The following ARHGEF12 variants were observed in gnomAD, a reference collection of about 807,000 sequenced individuals.
ARHGEF12 encodes Rho guanine nucleotide exchange factor 12, also known as KMT2A/ARHGEF12 fusion protein.
A neutral mutation model predicts 211.2 loss-of-function variants in ARHGEF12; 66 were observed. The observed-to-expected ratio is 0.31, with a 90% CI of 0.26 to 0.38. The LOEUF is 0.38. Among genes scored for constraint, ARHGEF12 ranks in the 10% least tolerant of loss-of-function variants. The pLI is 1.00. For missense variants in ARHGEF12, 1,429 were observed against 1,869.5 expected, an observed-to-expected ratio of 0.76 and a Z score of 4.34; for synonymous variants, 592 against 638.4, an observed-to-expected ratio of 0.93 and a Z score of 1.09.
chr11:120,375,047 A>G (rs926392063), intron 1 of ARHGEF12, among the ~76,000 whole-genome samples: 1 of 152,198 alleles, frequency 6.6e-6, no homozygotes, highest in Non-Finnish European at 1.5e-5. Context: ...AAGAATGGGT[A>G]GATGAATGGT....
At chr11:120,363,333 A>G (rs1283531919) in intron 1 of ARHGEF12, among the ~76,000 whole-genome samples, 1 of 152,228 alleles carries the variant, frequency 6.6e-6, no homozygotes, top group Non-Finnish European at 1.5e-5. Flanking sequence ...GAAACATGAA[A>G]TGCCTTCTTT....
intron 4 of ARHGEF12, chr11:120,410,292 GGT>G (rs1491356775): frequency 6.3e-5 from 6 of 95,666 alleles, no homozygotes; most frequent in East Asian, 4.5e-4. Context: ...TTTGTTTTGG[GGT>G]TTTTTTTTTT....
At chr11:120,484,791 G>T (rs1329687578) in intron 40 of ARHGEF12, among the ~76,000 whole-genome samples, 1 of 152,216 alleles carries the variant, frequency 6.6e-6, no homozygotes, top group East Asian at 1.9e-4. Context: ...GTAAATCACA[G>T]ATTCGGTGTG....
intron 22 of ARHGEF12, among the ~76,000 whole-genome samples, chr11:120,455,108 T>C (rs1946325263): frequency 6.6e-6 from 1 of 151,842 alleles, no homozygotes; most frequent in Non-Finnish European, 1.5e-5. Context: ...GGATAGAAAT[T>C]TGAGAGAAAA....
intron 21 of ARHGEF12, 170 bp downstream of exon 21, chr11:120,449,384 A>C: frequency 1.7e-6 from 1 of 577,432 alleles, no homozygotes. Flanking sequence ...AGTACCCCCT[A>C]TGTTGCTACA....
intron 12 of ARHGEF12, 22 bp downstream of exon 12, chr11:120,437,404 T>G (rs1318915922): frequency 6.3e-7 from 1 of 1,584,158 alleles, no homozygotes; most frequent in African/African-American, 1.3e-5. Context: ...ATCCATGCAA[T>G]GATAGTGCTG....
intron 34 of ARHGEF12, 133 bp from the exon 35 acceptor site, chr11:120,477,086 T>G: frequency 2.4e-6 from 1 of 422,662 alleles, no homozygotes; most frequent in Non-Finnish European, 4.4e-6. Context: ...TGGGTTTTGT[T>G]GTTGTTGTTG....
intron 1 of ARHGEF12, among the ~76,000 whole-genome samples, chr11:120,345,268 A>G (rs552810061): frequency 6.6e-6 from 1 of 152,358 alleles, no homozygotes; most frequent in African/African-American, 2.4e-5. Context: ...AACTGTAACT[A>G]GAGCAAACCT....
chr11:120,372,825 A>G (rs2135416680), intron 1 of ARHGEF12, among the ~76,000 whole-genome samples: 1 of 152,238 alleles, frequency 6.6e-6, no homozygotes, highest in East Asian at 1.9e-4. Context: ...ATCTCTTATC[A>G]TGTCTACTTC....
chr11:120,357,633 G>A (rs1172375138), intron 1 of ARHGEF12, among the ~76,000 whole-genome samples: 1 of 152,286 alleles, frequency 6.6e-6, no homozygotes, highest in East Asian at 1.9e-4. Flanking sequence ...GCAGTGGCAT[G>A]ATCTTGCCTC....
rs571668166 is a variant in ARHGEF12 at position 120,451,865 on chromosome 11, A to C, written c.2056+141A>C. On this transcript the variant is annotated intron_variant, in intron 22 of 40. Transcript: ENST00000397843. ...GACATTTTAATATGCTACAACCAAT[A>C]AGAAATCTATGCCGAATGATAACTT... 9.0e-6 allele frequency: 7 copies of C among 776,548 alleles called. No individual in the cohort carries two copies. In the East Asian group the frequency reaches 1.9e-4, roughly 21 times the overall value. The allele number at this position is 776,548 out of a possible 1,614,324, so 48.1% of individuals were successfully genotyped here.
chr11:120,477,196 G>A lies in ARHGEF12; in HGVS notation c.3366-23G>A, dbSNP rs201573576. 107 of 1,608,032 alleles carry A rather than the reference G, an allele frequency of 6.7e-5. No homozygotes were observed. In the East Asian group the frequency reaches 2.3e-3, roughly 35 times the overall value. On this transcript the variant is annotated intron_variant, in intron 34 of 40. Transcript: ENST00000397843. ...TTTCTTTTTTCTTTTTTGTATTTTGGATTTCTTTCCAACTTTCTGAAGCTG... is the reference window on the plus strand; with the variant it reads ...TTTCTTTTTTCTTTTTTGTATTTTGAATTTCTTTCCAACTTTCTGAAGCTG...
Position 120,344,265 on chromosome 11 carries a change from C to CAA in ARHGEF12, c.32+7018_32+7019dup, listed in dbSNP as rs71473103. ...TGGATGACAGAGCAAGACTCCGTCT[C>CAA]AAAAAAAAAAAAAAAAAAAAAAAAA... On this transcript the variant is annotated intron_variant, in intron 1 of 40. Transcript: ENST00000397843. 2.7e-3 allele frequency among the ~76,000 whole-genome samples: 143 copies of CAA among 53,018 alleles called. 15 individuals carry two copies. Among genetic ancestry groups the CAA allele is most frequent in the African/African-American group, 4.6e-3 (64 of 13,864 alleles). 34.8% of individuals were successfully genotyped at this position (53,018 alleles called of 152,430 possible).
chr11:120,428,287 A>G (rs377572066), intron 8 of ARHGEF12, 40 bp downstream of exon 8: 63 of 1,468,060 alleles, frequency 4.3e-5, no homozygotes, highest in Non-Finnish European at 5.5e-5. Context: ...GCTCAGTCTT[A>G]TAAGGATGTG....
chr11:120,476,647 A>G lies in ARHGEF12; in HGVS notation c.3278-14A>G. 6.2e-7 allele frequency: 1 copy of G among 1,607,464 alleles called. No homozygotes were observed. Among genetic ancestry groups the G allele is most frequent in the African/African-American group, 1.3e-5 (1 of 74,842 alleles). On this transcript the variant is annotated splice_polypyrimidine_tract_variant and intron_variant, in intron 33 of 40. Coordinates refer to ENST00000397843, the MANE Select transcript of ARHGEF12 (RefSeq NM_015313.3). ...GGTCATAGTATTAGAGTAATCTTGT[A>G]TTGTTTTTTCCAGATAACAAAGCTT...
chr11:120,371,069 C>T (rs1284804372), intron 1 of ARHGEF12, among the ~76,000 whole-genome samples: 1 of 152,172 alleles, frequency 6.6e-6, no homozygotes, highest in African/African-American at 2.4e-5. Flanking sequence ...CTGTCTACCT[C>T]ACAGAATCAA....
intron 1 of ARHGEF12, among the ~76,000 whole-genome samples, chr11:120,356,220 T>A (rs1358042429): frequency 2.0e-5 from 3 of 152,234 alleles, no homozygotes; most frequent in Admixed American, 6.5e-5. Flanking sequence ...ATGTCTTTTT[T>A]AAAATTTTTT....
chr11:120,432,637 G>A (rs1183091285), intron 11 of ARHGEF12, among the ~76,000 whole-genome samples: 1 of 152,078 alleles, frequency 6.6e-6, no homozygotes, highest in African/African-American at 2.4e-5. Context: ...CAATTTTGTG[G>A]GTTGTATTTC....
intron 29 of ARHGEF12, among the ~76,000 whole-genome samples, chr11:120,467,699 T>A (rs1946749510): frequency 6.7e-6 from 1 of 149,134 alleles, no homozygotes; most frequent in Non-Finnish European, 1.5e-5. Flanking sequence ...CCTCCCAGAG[T>A]GCTGTGATTA....
Sources: gnomAD v4.1 joint callset for allele counts (sites outside exome capture counted in the v4.1 genomes callset) on GRCh38, gnomAD v4.1.1 for gene constraint, MANE v1.5 for transcripts, NCBI Gene and HGNC (gene_info 2026-07-23, HGNC 2026-07-21) for gene names.